The following HIKESHI variants were observed in gnomAD, a reference collection of about 807,000 sequenced individuals.
HIKESHI encodes the protein heat shock protein nuclear import factor hikeshi.
Under a neutral mutation model 25.7 loss-of-function variants are expected in HIKESHI, and 13 were observed. The ratio of observed to expected loss-of-function variants is 0.51; its 90% CI spans 0.33 to 0.80. The LOEUF (loss-of-function observed/expected upper bound fraction) is 0.80, where lower values mean the gene tolerates loss of function less well. HIKESHI is among the 30% of genes least tolerant of loss of function. The pLI, the probability that HIKESHI is intolerant of heterozygous loss-of-function variation, is 0.02. For missense variants in HIKESHI, 174 were observed against 229.5 expected, an observed-to-expected ratio of 0.76 and a Z score of 1.56; for synonymous variants, 76 against 78.7, an observed-to-expected ratio of 0.97 and a Z score of 0.18.
intron 2 of HIKESHI, among the ~76,000 whole-genome samples, chr11:86,319,935 A>T (rs1947107093): frequency 6.6e-6 from 1 of 151,980 alleles, no homozygotes; most frequent in Admixed American, 6.6e-5. Flanking sequence ...ATAATATTCT[A>T]ATTTTGTCAT....
rs577184056 is a variant in HIKESHI, at chr11:86,319,363, G to A, written c.268+12881G>A. ...GGTGATCCTCCCACCTCAGCCTCCC[G>A]AGGAGCTAGGATCACAAGCACACAT... On this transcript the variant is annotated intron_variant, in intron 2 of 4. Coordinates refer to ENST00000278483, the MANE Select transcript of HIKESHI (RefSeq NM_016401.4). Among the ~76,000 whole-genome samples the A allele has an allele frequency of 6.7e-4, 100 of 149,818 alleles. 1 individual carries two copies. Among genetic ancestry groups the A allele is most frequent in the African/African-American group, 2.4e-3 (96 of 40,816 alleles).
chr11:86,337,565 C>T (rs764662905), intron 3 of HIKESHI, 35 bp downstream of exon 3: 3 of 1,592,856 alleles, frequency 1.9e-6, no homozygotes, highest in Admixed American at 3.5e-5. Context: ...TTACCTCCCC[C>T]TCCACTGCTT....
At chr11:86,344,539 T>A in intron 3 of HIKESHI, 64 bp from the exon 4 acceptor site, 1 of 966,538 alleles carries the variant, frequency 1.0e-6, no homozygotes. Context: ...ACTTTTAATT[T>A]AAAAATATTG....
intron 2 of HIKESHI, among the ~76,000 whole-genome samples, chr11:86,322,498 T>TA (rs1342539413): frequency 6.6e-6 from 1 of 152,164 alleles, no homozygotes; most frequent in African/African-American, 2.4e-5. Flanking sequence ...ACAAGTTCCT[T>TA]ATCAGGTATG....
chr11:86,334,048 G>A (rs1440262576), intron 2 of HIKESHI, among the ~76,000 whole-genome samples: 1 of 152,148 alleles, frequency 6.6e-6, no homozygotes, highest in Non-Finnish European at 1.5e-5. Flanking sequence ...AGACGCATGT[G>A]TTCCATGTTT....
chr11:86,306,893 G>C (rs983120452), intron 2 of HIKESHI, among the ~76,000 whole-genome samples: 2 of 151,296 alleles, frequency 1.3e-5, no homozygotes, highest in South Asian at 2.1e-4. Context: ...CCAACTACTC[G>C]GGAGGCTGAG....
intron 3 of HIKESHI, among the ~76,000 whole-genome samples, chr11:86,339,900 C>T (rs1947676636): frequency 6.6e-6 from 1 of 151,748 alleles, no homozygotes; most frequent in Admixed American, 6.6e-5. Context: ...CCCCCTGCCC[C>T]CCACCCCAAG....
intron 1 of HIKESHI, among the ~76,000 whole-genome samples, chr11:86,305,449 C>T (rs761792507): frequency 2.6e-4 from 39 of 151,342 alleles, no homozygotes; most frequent in Non-Finnish European, 1.6e-4. Flanking sequence ...TGCAATGGCG[C>T]GATCTCAGCT....
At chr11:86,344,283 C>G in intron 3 of HIKESHI, 1 of 215,336 alleles carries the variant, frequency 4.6e-6, no homozygotes, top group Non-Finnish European at 9.0e-6. Flanking sequence ...TAGCATATTT[C>G]ACAGTGTCAT....
At chr11:86,339,917 C>G (rs1345245404) in intron 3 of HIKESHI, among the ~76,000 whole-genome samples, 1 of 151,118 alleles carries the variant, frequency 6.6e-6, no homozygotes, top group Non-Finnish European at 1.5e-5. Context: ...CAAGACAGAC[C>G]CGCCCGCCGT....
At chr11:86,323,647 C>T (rs1232354318) in intron 2 of HIKESHI, among the ~76,000 whole-genome samples, 1 of 152,188 alleles carries the variant, frequency 6.6e-6, no homozygotes, top group African/African-American at 2.4e-5. Context: ...ACAGGAGATG[C>T]TTAGGGAACA....
chr11:86,334,330 G>A lies in HIKESHI; in HGVS notation c.269-3049G>A, dbSNP rs577552752. On this transcript the variant is annotated intron_variant, in intron 2 of 4. Coordinates refer to ENST00000278483, the MANE Select transcript of HIKESHI (RefSeq NM_016401.4). ...TGGTGACTGCTTTTCCTTGTATACT[G>A]AGAATAAAGAACTAGCTCCCTGTAG... Among the ~76,000 whole-genome samples, 131 of 151,506 alleles carry A rather than the reference G, an allele frequency of 8.6e-4. 1 individual carries two copies. Among genetic ancestry groups the A allele is most frequent in the African/African-American group, 1.9e-3 (78 of 41,320 alleles).
intron 2 of HIKESHI, among the ~76,000 whole-genome samples, chr11:86,315,254 T>C (rs1041092420): frequency 2.0e-5 from 3 of 152,076 alleles, no homozygotes; most frequent in Non-Finnish European, 4.4e-5. Context: ...AGCAGACTTA[T>C]CAAGAGCATT....
chr11:86,312,113 C>T (rs1198800371), intron 2 of HIKESHI, among the ~76,000 whole-genome samples: 1 of 152,060 alleles, frequency 6.6e-6, no homozygotes, highest in Non-Finnish European at 1.5e-5. Flanking sequence ...CCTGGATATC[C>T]TTGTTAACTT....
chr11:86,307,027 A>G (rs991362918), intron 2 of HIKESHI, among the ~76,000 whole-genome samples: 1 of 145,042 alleles, frequency 6.9e-6, no homozygotes, highest in Non-Finnish European at 1.5e-5. Flanking sequence ...ATATATATAT[A>G]TAAATATATA....
intron 3 of HIKESHI, among the ~76,000 whole-genome samples, chr11:86,341,805 G>A (rs1947739144): frequency 1.3e-5 from 2 of 151,956 alleles, no homozygotes. Context: ...TTTCTCTTCT[G>A]TGTTGAATCC....
intron 2 of HIKESHI, among the ~76,000 whole-genome samples, chr11:86,318,092 CAGG>C (rs1291728112): frequency 6.6e-6 from 1 of 151,688 alleles, no homozygotes; most frequent in East Asian, 1.9e-4. Flanking sequence ...ATCACGAGGT[CAGG>C]AGATCAAGAC....
At chr11:86,317,789 A>T (rs1019945950) in intron 2 of HIKESHI, among the ~76,000 whole-genome samples, 1 of 150,000 alleles carries the variant, frequency 6.7e-6, no homozygotes, top group East Asian at 1.9e-4. Flanking sequence ...TGGGCGATAG[A>T]AAAAAAACAA....
At chr11:86,304,390 C>G (rs1476863483) in intron 1 of HIKESHI, among the ~76,000 whole-genome samples, 1 of 151,348 alleles carries the variant, frequency 6.6e-6, no homozygotes, top group Non-Finnish European at 1.5e-5. Context: ...CGATCACCAA[C>G]AAAAATCACA....
Sources: gnomAD v4.1 joint callset for allele counts (sites outside exome capture counted in the v4.1 genomes callset) on GRCh38, gnomAD v4.1.1 for gene constraint, MANE v1.5 for transcripts, NCBI Gene and HGNC (gene_info 2026-07-23, HGNC 2026-07-21) for gene names.